LHFPL3: variants seen among roughly 807,000 people sequenced by gnomAD.
LHFPL3 encodes LHFPL tetraspan subfamily member 3.
A neutral mutation model predicts 19.3 loss-of-function variants in LHFPL3; 5 were observed. That is an observed-to-expected ratio of 0.26 (90% CI 0.14 to 0.54). The LOEUF (loss-of-function observed/expected upper bound fraction) is 0.54, where lower values mean the gene tolerates loss of function less well. LHFPL3 is among the 20% of genes least tolerant of loss of function. LHFPL3 has a pLI of 0.94. For missense variants in LHFPL3, 249 were observed against 307.4 expected, an observed-to-expected ratio of 0.81 and a Z score of 1.42; for synonymous variants, 133 against 126.2, an observed-to-expected ratio of 1.05 and a Z score of -0.36.
At chr7:104,811,634 T>C (rs1313804712) in intron 2 of LHFPL3, among the ~76,000 whole-genome samples, 2 of 152,214 alleles carry the variant, frequency 1.3e-5, no homozygotes. Flanking sequence ...CATCATTTCA[T>C]ATCCAGATGA....
At chr7:104,541,149 A>ACACACAC (rs1210675502) in intron 1 of LHFPL3, among the ~76,000 whole-genome samples, 2 of 78,592 alleles carry the variant, frequency 2.5e-5, no homozygotes, top group South Asian at 5.3e-4. Flanking sequence ...CACACACACA[A>ACACACAC]CCCTGTGGCT....
chr7:104,524,675 T>G (rs1480409573), intron 1 of LHFPL3, among the ~76,000 whole-genome samples: 1 of 152,214 alleles, frequency 6.6e-6, no homozygotes, highest in East Asian at 1.9e-4. Context: ...AAGTGTGATT[T>G]AATTTTGGAG....
chr7:104,459,373 T>C (rs1433502448), intron 1 of LHFPL3, among the ~76,000 whole-genome samples: 1 of 152,168 alleles, frequency 6.6e-6, no homozygotes, highest in Non-Finnish European at 1.5e-5. Flanking sequence ...CCAACCAAAA[T>C]GAAATTGTAA....
chr7:104,533,971 A>G (rs577390503), intron 1 of LHFPL3, among the ~76,000 whole-genome samples: 1 of 152,250 alleles, frequency 6.6e-6, no homozygotes, highest in East Asian at 1.9e-4. Flanking sequence ...AGACTGCTTG[A>G]GTCCTCACTT....
chr7:104,652,709 GAGCA>G (rs1307511888), intron 1 of LHFPL3, among the ~76,000 whole-genome samples: 12 of 152,126 alleles, frequency 7.9e-5, no homozygotes, highest in African/African-American at 2.4e-4. Context: ...TCTAAGAAGG[GAGCA>G]AAGCTGCAGG....
intron 1 of LHFPL3, among the ~76,000 whole-genome samples, chr7:104,430,907 A>G (rs865948825): frequency 1.2e-4 from 18 of 152,090 alleles, no homozygotes; most frequent in Middle Eastern, 3.4e-3. Flanking sequence ...TCCCACCTTC[A>G]TTTCCCCTTT....
At chr7:104,401,148 AATCAGTT>A (rs1465674488) in intron 1 of LHFPL3, among the ~76,000 whole-genome samples, 1 of 151,978 alleles carries the variant, frequency 6.6e-6, no homozygotes, top group Non-Finnish European at 1.5e-5. Flanking sequence ...TAGCACAAGT[AATCAGTT>A]ATATGTGGAG....
At chr7:104,729,336 C>T (rs1298912204) in intron 1 of LHFPL3, among the ~76,000 whole-genome samples, 1 of 152,100 alleles carries the variant, frequency 6.6e-6, no homozygotes, top group Non-Finnish European at 1.5e-5. Context: ...TATCCATCAC[C>T]TCATACATTT....
intron 1 of LHFPL3, among the ~76,000 whole-genome samples, chr7:104,511,522 TC>T (rs1793812354): frequency 6.6e-6 from 1 of 152,222 alleles, no homozygotes; most frequent in South Asian, 2.1e-4. Flanking sequence ...ACGTAAGTAT[TC>T]ATGGCAGCTT....
At chr7:104,470,860 C>T (rs925138387) in intron 1 of LHFPL3, among the ~76,000 whole-genome samples, 2 of 152,120 alleles carry the variant, frequency 1.3e-5, no homozygotes, top group South Asian at 2.1e-4. Flanking sequence ...CTCTCATTTC[C>T]GTCATCTAGT....
chr7:104,672,353 GT>G (rs1792501242), intron 1 of LHFPL3, among the ~76,000 whole-genome samples: 1 of 152,066 alleles, frequency 6.6e-6, no homozygotes, highest in Admixed American at 6.6e-5. Flanking sequence ...CTGATGGTAG[GT>G]TTCCCCTTTT....
chr7:104,411,388 A>G (rs1212820173), intron 1 of LHFPL3, among the ~76,000 whole-genome samples: 2 of 152,236 alleles, frequency 1.3e-5, no homozygotes, highest in Non-Finnish European at 2.9e-5. Flanking sequence ...TAGAATAACC[A>G]GAGGGTTTAT....
chr7:104,641,348 C>T (rs1020075298), intron 1 of LHFPL3, among the ~76,000 whole-genome samples: 4 of 152,282 alleles, frequency 2.6e-5, no homozygotes, highest in Middle Eastern at 3.4e-3. Flanking sequence ...CCAGTCTGCT[C>T]GCTCCCTTGC....
intron 2 of LHFPL3, among the ~76,000 whole-genome samples, chr7:104,891,785 G>A (rs1281642975): frequency 2.6e-5 from 4 of 152,162 alleles, no homozygotes; most frequent in Non-Finnish European, 5.9e-5. Context: ...GCATTATTTG[G>A]CTCTCCTGTC....
At chr7:104,344,982 A>C (rs1350073682) in intron 1 of LHFPL3, among the ~76,000 whole-genome samples, 2 of 152,206 alleles carry the variant, frequency 1.3e-5, no homozygotes, top group Non-Finnish European at 2.9e-5. Context: ...TGTATGAATC[A>C]AATGTCTGTT....
chr7:104,748,805 T>A (rs975316794), intron 2 of LHFPL3, among the ~76,000 whole-genome samples: 1 of 152,202 alleles, frequency 6.6e-6, no homozygotes, highest in Non-Finnish European at 1.5e-5. Flanking sequence ...CTATACTTTG[T>A]CTCTGTGTCT....
At chr7:104,424,061 C>T (rs1312176852) in intron 1 of LHFPL3, among the ~76,000 whole-genome samples, 1 of 152,058 alleles carries the variant, frequency 6.6e-6, no homozygotes, top group Non-Finnish European at 1.5e-5. Flanking sequence ...GTTTTAAAAT[C>T]GTATCACTCG....
intron 1 of LHFPL3, among the ~76,000 whole-genome samples, chr7:104,339,299 G>A (rs1436193044): frequency 1.3e-5 from 2 of 151,930 alleles, no homozygotes; most frequent in African/African-American, 4.8e-5. Flanking sequence ...ATTGAGCAAC[G>A]ACCACTTGCA....
At chr7:104,520,984 T>G (rs1193820637) in intron 1 of LHFPL3, among the ~76,000 whole-genome samples, 3 of 151,466 alleles carry the variant, frequency 2.0e-5, no homozygotes, top group Non-Finnish European at 3.0e-5. Flanking sequence ...TCTTGCCTTC[T>G]GCTAGCTTTT....
Sources: gnomAD v4.1 joint callset for allele counts (sites outside exome capture counted in the v4.1 genomes callset) on GRCh38, gnomAD v4.1.1 for gene constraint, MANE v1.5 for transcripts, NCBI Gene and HGNC (gene_info 2026-07-23, HGNC 2026-07-21) for gene names.